Variants in ZZEF1 observed in about 807,000 individuals in gnomAD.
ZZEF1 encodes the protein zinc finger ZZ-type and EF-hand domain-containing protein 1.
A neutral mutation model predicts 342.8 loss-of-function variants in ZZEF1; 157 were observed. The ratio of observed to expected loss-of-function variants is 0.46; its 90% CI spans 0.40 to 0.52. The LOEUF (loss-of-function observed/expected upper bound fraction) is 0.52, where lower values mean the gene tolerates loss of function less well. Ranked by LOEUF, ZZEF1 falls within the 20% of genes least tolerant of loss-of-function variation. ZZEF1 has a pLI of 0.00. For synonymous variants in ZZEF1, 1,505 were observed against 1,429.1 expected, an observed-to-expected ratio of 1.05 and a Z score of -1.20; for missense variants, 3,480 against 3,725.6, an observed-to-expected ratio of 0.93 and a Z score of 1.72.
chr17:4,096,392 A>C (rs1239168250), intron 10 of ZZEF1, among the ~76,000 whole-genome samples: 1 of 152,234 alleles, frequency 6.6e-6, no homozygotes, highest in African/African-American at 2.4e-5. Context: ...TGTACATGGA[A>C]AAGTAACTAC....
chr17:4,049,840 C>G lies in ZZEF1; in HGVS notation c.5883G>C (p.Leu1961Phe), dbSNP rs2057007494. The change falls in exon 37 of 55, where the codon TTG becomes TTC. Residue 1961 changes from leucine (L) to phenylalanine (F), a missense_variant. By Grantham distance (22) the Leu-to-Phe change is conservative (BLOSUM62 0). Coordinates refer to ENST00000381638, the MANE Select transcript of ZZEF1 (RefSeq NM_015113.4). ...HQGKGLKALALLGVLPDGDSS... is the reference protein window; with the variant it reads ...HQGKGLKALAFLGVLPDGDSS... ...AGTCCCCATCTGGCAATACACCCAG[C>G]AAAGCTAGAGCTTTAAGGCCTATGT... is the stretch of plus-strand genomic sequence containing the variant. The G allele has an allele frequency of 6.2e-7, 1 of 1,614,122 alleles. No individual in the cohort carries two copies. The highest frequency in any genetic ancestry group is 8.5e-7 in the Non-Finnish European group (1 of 1,180,002).
rs2056091228 is a variant in ZZEF1 at position 4,016,047 on chromosome 17, G to A, written c.8145+276C>T. Among the ~76,000 whole-genome samples, 1 of 152,186 alleles carries A rather than the reference G, an allele frequency of 6.6e-6. No individual in the cohort carries two copies. Among genetic ancestry groups the A allele is most frequent in the South Asian group, 2.1e-4 (1 of 4,832 alleles). On this transcript the variant is annotated intron_variant, in intron 49 of 54. Coordinates refer to ENST00000381638, the MANE Select transcript of ZZEF1 (RefSeq NM_015113.4). This position sits in a 1 kb window ranked among gnomAD's most constrained non-coding sequence, Gnocchi z 4.4. ...AAGGACTCACTCTGAGGAGCCTGCCGCAGGGAAAGTAAAGCTCTCCTCCAG... is the reference window on the plus strand; with the variant it reads ...AAGGACTCACTCTGAGGAGCCTGCCACAGGGAAAGTAAAGCTCTCCTCCAG...
chr17:4,093,294 A>G (rs2057977967), intron 11 of ZZEF1, among the ~76,000 whole-genome samples: 1 of 152,246 alleles, frequency 6.6e-6, no homozygotes, highest in African/African-American at 2.4e-5. Flanking sequence ...AAAAAGGCAT[A>G]CACGTGTAAC....
intron 37 of ZZEF1, among the ~76,000 whole-genome samples, chr17:4,048,659 CTGAA>C (rs777897819): frequency 6.6e-6 from 1 of 152,200 alleles, no homozygotes; most frequent in Non-Finnish European, 1.5e-5. Context: ...TAACTGTTGA[CTGAA>C]TATAAATACA....
intron 26 of ZZEF1, among the ~76,000 whole-genome samples, chr17:4,069,547 C>T (rs1217478769): frequency 1.3e-5 from 2 of 151,868 alleles, no homozygotes; most frequent in Non-Finnish European, 2.9e-5. Context: ...AATAACAAAA[C>T]GAGGCTGGGC....
At position 4,081,462 on chromosome 17, in the gene ZZEF1, A is replaced by G; in HGVS notation, c.2743T>C (p.Leu915=). Reference sequence around the variant, plus strand: ...TTGGCCAGGTCGTTCTTCTCAGGTAAAAGAAGAAGGCCGCCTGGATCCTTG... The same window carrying G: ...TTGGCCAGGTCGTTCTTCTCAGGTAGAAGAAGAAGGCCGCCTGGATCCTTG... ...SDKDPGGLLL[L]PEKNDLAKMN... Residue 915 remains leucine, a synonymous_variant, in exon 18 of 55, where the codon TTA becomes CTA. Coordinates refer to ENST00000381638, the MANE Select transcript of ZZEF1 (RefSeq NM_015113.4). 6.2e-7 allele frequency: 1 copy of G among 1,614,088 alleles called. No individual in the cohort carries two copies. Among genetic ancestry groups the G allele is most frequent in the Non-Finnish European group, 8.5e-7 (1 of 1,180,008 alleles).
chr17:4,127,690 G>T (rs1245806312), intron 1 of ZZEF1, among the ~76,000 whole-genome samples: 1 of 152,132 alleles, frequency 6.6e-6, no homozygotes, highest in African/African-American at 2.4e-5. Flanking sequence ...AGGCACAACT[G>T]AAAGTGAGAA....
intron 3 of ZZEF1, among the ~76,000 whole-genome samples, chr17:4,116,022 T>G (rs1051332618): frequency 5.8e-4 from 89 of 152,354 alleles, no homozygotes; most frequent in Middle Eastern, 3.4e-3. Context: ...GAATGGAATG[T>G]ATTAAGAATC....
chr17:4,042,854 G>A (rs1165905387), intron 38 of ZZEF1, among the ~76,000 whole-genome samples: 1 of 152,158 alleles, frequency 6.6e-6, no homozygotes. Flanking sequence ...GCTAATTTTT[G>A]TATTTTTAGT....
chr17:4,048,419 TGACA>T (rs1392376494), intron 37 of ZZEF1, among the ~76,000 whole-genome samples: 1 of 152,182 alleles, frequency 6.6e-6, no homozygotes, highest in African/African-American at 2.4e-5. Flanking sequence ...ACTAGCAACC[TGACA>T]GACAGAGGAC....
At chr17:4,024,823 T>C (rs952743121) in intron 43 of ZZEF1, 96 bp downstream of exon 43, 3 of 1,171,316 alleles carry the variant, frequency 2.6e-6, no homozygotes, top group Non-Finnish European at 3.8e-6. Context: ...TGGTTTACCA[T>C]CCATCGAAAT....
Position 4,058,049 on chromosome 17 carries a change from C to T in ZZEF1, c.5110G>A (p.Asp1704Asn), listed in dbSNP as rs2057204340. ...TCCTGTGACATTTTCATGAGGAGAT[C>T]TGGTAACTGAATATCAACAAAGAAG... ...LAFFVDIQLP[D>N]LLMKMSQENI... The change falls in exon 32 of 55, where the codon GAT (aspartate) becomes AAT (asparagine). Residue 1704 changes from aspartate (D) to asparagine (N), a missense_variant. Transcript: ENST00000381638. 1 of 1,614,042 alleles carries T rather than the reference C, an allele frequency of 6.2e-7. No homozygotes were observed. The highest frequency in any genetic ancestry group is 8.5e-7 in the Non-Finnish European group (1 of 1,180,030).
chr17:4,015,391 C>T (rs1016956470), intron 49 of ZZEF1, among the ~76,000 whole-genome samples: 1 of 152,248 alleles, frequency 6.6e-6, no homozygotes, highest in African/African-American at 2.4e-5. Context: ...CATCCACCTT[C>T]GCTGCTGCAG....
At chr17:4,101,260 G>GAGA (rs1397448991) in intron 9 of ZZEF1, among the ~76,000 whole-genome samples, 1 of 152,146 alleles carries the variant, frequency 6.6e-6, no homozygotes, top group African/African-American at 2.4e-5. Flanking sequence ...AAACGGGACA[G>GAGA]AGAAGAGGCA....
intron 1 of ZZEF1, among the ~76,000 whole-genome samples, chr17:4,126,621 C>G (rs2058577437): frequency 6.6e-6 from 1 of 152,128 alleles, no homozygotes; most frequent in South Asian, 2.1e-4. Flanking sequence ...ATAACAGGTG[C>G]TGTGGAAAGT....
chr17:4,050,194 C>T (rs1335268585), intron 36 of ZZEF1, among the ~76,000 whole-genome samples: 1 of 152,184 alleles, frequency 6.6e-6, no homozygotes, highest in African/African-American at 2.4e-5. Context: ...TTCTCACTGG[C>T]AAACTGGTAT....
chr17:4,133,161 A>G (rs1475362900), intron 1 of ZZEF1, among the ~76,000 whole-genome samples: 1 of 152,238 alleles, frequency 6.6e-6, no homozygotes, highest in African/African-American at 2.4e-5. Flanking sequence ...GCTATCATTC[A>G]TTCAGTTGGG....
intron 52 of ZZEF1, among the ~76,000 whole-genome samples, chr17:4,011,420 C>T (rs962364416): frequency 1.4e-4 from 21 of 151,534 alleles, no homozygotes; most frequent in East Asian, 5.8e-4. Context: ...AAAAAGGTAA[C>T]GATGACTACC....
chr17:4,058,966 A>C (rs1480804357), intron 31 of ZZEF1, among the ~76,000 whole-genome samples: 2 of 152,178 alleles, frequency 1.3e-5, no homozygotes, highest in African/African-American at 2.4e-5. Flanking sequence ...TAAAAAGAAA[A>C]TATACACACC....
Sources: gnomAD v4.1 joint callset for allele counts (sites outside exome capture counted in the v4.1 genomes callset) on GRCh38, gnomAD v4.1.1 for gene constraint, Gnocchi (gnomAD v3.1) non-coding constraint, MANE v1.5 for transcripts, NCBI Gene and HGNC (gene_info 2026-07-23, HGNC 2026-07-21) for gene names.